TRPV1: variants seen among roughly 807,000 people sequenced by gnomAD.
TRPV1 encodes the protein transient receptor potential cation channel subfamily V member 1.
TRPV1 carries 82 observed loss-of-function variants against 82.3 expected under a neutral mutation model. That is an observed-to-expected ratio of 1.00 (90% CI 0.83 to 1.20). The LOEUF is 1.20. TRPV1 is among the 50% of genes most tolerant of loss of function. The pLI, the probability that TRPV1 is intolerant of heterozygous loss-of-function variation, is 0.00. For synonymous variants in TRPV1, 515 were observed against 467.7 expected (o/e 1.10, Z -1.30); for missense variants, 1,067 against 1,096.8 (o/e 0.97, Z 0.38).
intron 13 of TRPV1, among the ~76,000 whole-genome samples, chr17:3,575,995 C>A (rs1024650133): frequency 1.3e-5 from 2 of 151,516 alleles, no homozygotes; most frequent in East Asian, 3.9e-4. Flanking sequence ...GGAGCCGAGG[C>A]GGGCAGATCA....
At chr17:3,607,243 C>A (rs1363902088) in intron 2 of TRPV1, among the ~76,000 whole-genome samples, 1 of 151,930 alleles carries the variant, frequency 6.6e-6, no homozygotes, top group Non-Finnish European at 1.5e-5. Flanking sequence ...ACTCGGGAGG[C>A]TGAGGTACAA....
intron 2 of TRPV1, among the ~76,000 whole-genome samples, chr17:3,606,149 C>A (rs546278121): frequency 6.6e-6 from 1 of 152,028 alleles, no homozygotes; most frequent in South Asian, 2.1e-4. Context: ...TTAGTAGAGA[C>A]GGGGTTTCAC....
Position 3,566,736 on chromosome 17 carries a change from C to A in TRPV1, c.*79G>T, listed in dbSNP as rs953993653. The A allele has an allele frequency of 1.3e-6, 2 of 1,535,328 alleles. No homozygotes were observed. The highest frequency in any genetic ancestry group is 2.7e-5 in the African/African-American group (2 of 73,242). On this transcript the variant is annotated 3_prime_UTR_variant, in exon 17 of 17. Transcript: ENST00000572705. ...ACCAGGCCAGGCTGCTGACAGAGCACTGGTGTTCCCTCAGCAGCCCCCCGT... is the reference window on the plus strand; with the variant it reads ...ACCAGGCCAGGCTGCTGACAGAGCAATGGTGTTCCCTCAGCAGCCCCCCGT...
chr17:3,599,556 G>A (rs116497273), intron 2 of TRPV1, among the ~76,000 whole-genome samples: 3,441 of 144,234 alleles, frequency 0.024, 146 homozygotes, highest in African/African-American at 0.097. Flanking sequence ...TTTGTGACTG[G>A]CTTCTTTCAC....
intron 2 of TRPV1, among the ~76,000 whole-genome samples, chr17:3,597,258 C>A (rs1049697687): frequency 6.6e-6 from 1 of 152,226 alleles, no homozygotes; most frequent in Admixed American, 6.5e-5. Flanking sequence ...AGAGCACTTA[C>A]CAGAGCCAGC....
At chr17:3,582,140 A>T (rs1225888057) in intron 10 of TRPV1, among the ~76,000 whole-genome samples, 1 of 137,530 alleles carries the variant, frequency 7.3e-6, no homozygotes, top group Non-Finnish European at 1.5e-5. Flanking sequence ...CAGTGAGTGG[A>T]GATTGTGCCA....
intron 2 of TRPV1, among the ~76,000 whole-genome samples, chr17:3,606,780 G>A (rs921436706): frequency 6.6e-6 from 1 of 152,156 alleles, no homozygotes; most frequent in African/African-American, 2.4e-5. Flanking sequence ...TGAATGCATA[G>A]TCTGGAAAGA....
chr17:3,605,554 T>A (rs927554312), intron 2 of TRPV1, among the ~76,000 whole-genome samples: 3 of 151,672 alleles, frequency 2.0e-5, no homozygotes, highest in African/African-American at 7.3e-5. Flanking sequence ...AGAGTTTAGA[T>A]CAGATCCCAG....
chr17:3,569,605 T>C (rs2074820046), intron 16 of TRPV1, among the ~76,000 whole-genome samples: 1 of 152,120 alleles, frequency 6.6e-6, no homozygotes, highest in Non-Finnish European at 1.5e-5. Context: ...AATCAAAAGC[T>C]GGGCAGCGGA....
intron 8 of TRPV1, among the ~76,000 whole-genome samples, chr17:3,586,319 C>T (rs984883923): frequency 2.0e-5 from 3 of 152,224 alleles, no homozygotes; most frequent in Admixed American, 6.5e-5. Context: ...AGGAAAGAGC[C>T]TCTGGGTCCT....
In TRPV1 at chr17:3,592,129, C is replaced by G; in HGVS notation, c.222G>C (p.Pro74=). The change falls in exon 3 of 17, where the codon CCG becomes CCC. Residue 74 remains proline, a synonymous_variant. Coordinates refer to ENST00000572705, the MANE Select transcript of TRPV1 (RefSeq NM_080704.4). ...PHEEGELDSC[P]TITVSPVITI... is the part of the protein sequence containing the mutation. Reference sequence around the variant, plus strand: ...TGATAACAGGGCTGACTGTGATGGTCGGGCAGGAGTCCAGCTCACCTTCCT... The same window carrying G: ...TGATAACAGGGCTGACTGTGATGGTGGGGCAGGAGTCCAGCTCACCTTCCT... The G allele has an allele frequency of 3.1e-6, 5 of 1,613,846 alleles. No individual in the cohort carries two copies. The highest frequency in any genetic ancestry group is 4.2e-6 in the Non-Finnish European group (5 of 1,179,848).
At chr17:3,597,265 C>T (rs1238928565) in intron 2 of TRPV1, among the ~76,000 whole-genome samples, 1 of 152,220 alleles carries the variant, frequency 6.6e-6, no homozygotes, top group East Asian at 1.9e-4. Context: ...TTACCAGAGC[C>T]AGCCAGAGCT....
At chr17:3,588,780 C>G (rs1318968226) in intron 7 of TRPV1, among the ~76,000 whole-genome samples, 1 of 149,448 alleles carries the variant, frequency 6.7e-6, no homozygotes, top group African/African-American at 2.5e-5. Flanking sequence ...TGCCACTGCT[C>G]TCCAGCCTGG....
chr17:3,571,330 G>A (rs2074849875), intron 16 of TRPV1, among the ~76,000 whole-genome samples, 194 bp downstream of exon 16: 1 of 152,216 alleles, frequency 6.6e-6, no homozygotes, highest in Non-Finnish European at 1.5e-5. Context: ...TCAGCCGTCA[G>A]CCGTGACAGC....
In TRPV1 at chr17:3,565,986, A is replaced by G; in HGVS notation, c.*829T>C. ...CAAGAGTTCGAGACCAGCCTGGCCA[A>G]CATGGTGAAACCCCGTCTCTATTAA... is the stretch of plus-strand genomic sequence containing the variant. On this transcript the variant is annotated 3_prime_UTR_variant, in exon 17 of 17. Transcript: ENST00000572705. 1 of 151,890 alleles carries G rather than the reference A, an allele frequency of 6.6e-6. No individual in the cohort carries two copies. Among genetic ancestry groups the G allele is most frequent in the East Asian group, 1.9e-4 (1 of 5,186 alleles). 9.4% of individuals were successfully genotyped at this position (151,890 alleles called of 1,614,324 possible). A position where few individuals can be genotyped will look rare whatever the true frequency, so the allele number is the denominator to read the frequency against.
At chr17:3,587,831 T>G (rs1428727954) in intron 8 of TRPV1, among the ~76,000 whole-genome samples, 1 of 144,380 alleles carries the variant, frequency 6.9e-6, no homozygotes, top group African/African-American at 2.5e-5. Context: ...AAAAGAAAAA[T>G]CTACACGCCC....
chr17:3,577,972 C>G (rs1168044885), intron 11 of TRPV1: 1 of 546,268 alleles, frequency 1.8e-6, no homozygotes, highest in African/African-American at 1.9e-5. Flanking sequence ...AGGAGCTGTG[C>G]AAAATCTCAC....
chr17:3,570,923 G>A (rs899594899), intron 16 of TRPV1, among the ~76,000 whole-genome samples: 2 of 152,076 alleles, frequency 1.3e-5, no homozygotes, highest in Non-Finnish European at 2.9e-5. Flanking sequence ...CACGATGTTG[G>A]CCAAGCTGGT....
chr17:3,585,571 T>G, intron 9 of TRPV1, 197 bp downstream of exon 9: 1 of 615,216 alleles, frequency 1.6e-6, no homozygotes, highest in Non-Finnish European at 2.8e-6. Flanking sequence ...AGGGGGCGGG[T>G]CTCCTGTACA....
Sources: allele counts gnomAD v4.1 joint callset (sites outside exome capture counted in the v4.1 genomes callset), GRCh38; gene constraint gnomAD v4.1.1; transcripts MANE v1.5; gene names NCBI Gene and HGNC (gene_info 2026-07-23, HGNC 2026-07-21).